Variants in CDH13 observed in about 807,000 individuals in gnomAD.
CDH13 encodes the protein cadherin 13.
Under a neutral mutation model 63.8 loss-of-function variants are expected in CDH13, and 24 were observed. The ratio of observed to expected loss-of-function variants is 0.38; its 90% confidence interval spans 0.27 to 0.53. The LOEUF (loss-of-function observed/expected upper bound fraction) is 0.53. Ranked by LOEUF, CDH13 falls within the 20% of genes least tolerant of loss-of-function variation. The pLI is 0.85. For synonymous variants in CDH13, 503 were observed against 355.3 expected (o/e 1.42, Z -4.67); for missense variants, 1,049 against 903.1 (o/e 1.16, Z -2.07).
At chr16:82,975,101 T>G (rs1225949852) in intron 2 of CDH13, among the ~76,000 whole-genome samples, 1 of 152,216 alleles carries the variant, frequency 6.6e-6, no homozygotes, top group Non-Finnish European at 1.5e-5. Context: ...CCGATGGGTA[T>G]AAAGCATAAA....
At chr16:83,635,048 A>T (rs1238273297) in intron 8 of CDH13, among the ~76,000 whole-genome samples, 1 of 152,208 alleles carries the variant, frequency 6.6e-6, no homozygotes, top group Non-Finnish European at 1.5e-5. Flanking sequence ...ATAGAGGAGA[A>T]ATCCAGTTCT....
intron 7 of CDH13, among the ~76,000 whole-genome samples, chr16:83,508,119 AAGGG>A (rs140872284): frequency 1.3e-5 from 1 of 75,492 alleles, no homozygotes; most frequent in Non-Finnish European, 2.6e-5. Flanking sequence ...AAAAGGAAGG[AAGGG>A]AGGAAGGAAA....
intron 5 of CDH13, among the ~76,000 whole-genome samples, chr16:83,306,820 A>T (rs1038332685): frequency 6.6e-6 from 1 of 152,188 alleles, no homozygotes; most frequent in African/African-American, 2.4e-5. Context: ...GCTGGGAAGC[A>T]CATGAAATTG....
At chr16:83,108,217 C>T (rs2034879323) in intron 3 of CDH13, among the ~76,000 whole-genome samples, 1 of 152,132 alleles carries the variant, frequency 6.6e-6, no homozygotes, top group East Asian at 1.9e-4. Flanking sequence ...CTCCACTATA[C>T]ACCGTGCTTG....
intron 1 of CDH13, among the ~76,000 whole-genome samples, chr16:82,732,530 A>C (rs1382149395): frequency 3.9e-5 from 6 of 152,214 alleles, no homozygotes; most frequent in Admixed American, 3.9e-4. Flanking sequence ...GTTGTAAATG[A>C]TTTGAAACAG....
At chr16:83,733,637 C>A (rs990918347) in intron 10 of CDH13, among the ~76,000 whole-genome samples, 1 of 152,142 alleles carries the variant, frequency 6.6e-6, no homozygotes. Context: ...TCAGCTTGGT[C>A]TGAGCTGGAC....
intron 6 of CDH13, among the ~76,000 whole-genome samples, chr16:83,385,986 A>C (rs1053584032): frequency 1.3e-5 from 2 of 152,218 alleles, no homozygotes; most frequent in Non-Finnish European, 2.9e-5. Context: ...CCTATATTCT[A>C]GAACCAGCAT....
chr16:83,098,299 C>G (rs996494198), intron 3 of CDH13, among the ~76,000 whole-genome samples: 4 of 152,306 alleles, frequency 2.6e-5, no homozygotes, highest in Admixed American at 1.3e-4. Flanking sequence ...CTTTCCCAGC[C>G]TTTGCACTAC....
intron 2 of CDH13, among the ~76,000 whole-genome samples, chr16:83,005,796 G>A (rs545502673): frequency 6.6e-6 from 1 of 152,150 alleles, no homozygotes; most frequent in Non-Finnish European, 1.5e-5. Flanking sequence ...TTTATGGTGA[G>A]CTCAGTTATT....
intron 2 of CDH13, among the ~76,000 whole-genome samples, chr16:82,860,053 A>G (rs1191427405): frequency 1.3e-5 from 2 of 152,156 alleles, no homozygotes; most frequent in East Asian, 1.9e-4. Flanking sequence ...ATCAGAATCA[A>G]TATATTTCAA....
intron 6 of CDH13, among the ~76,000 whole-genome samples, chr16:83,377,087 C>G (rs1003069327): frequency 6.6e-6 from 1 of 152,134 alleles, no homozygotes; most frequent in African/African-American, 2.4e-5. Flanking sequence ...CCTGGCTGAC[C>G]TCATGAGAAT....
intron 10 of CDH13, chr16:83,716,982 C>G (rs905277986): frequency 6.5e-6 from 1 of 154,026 alleles, no homozygotes; most frequent in African/African-American, 2.4e-5. Context: ...CATGGTGGCT[C>G]ATACCTGTAA....
chr16:83,469,864 G>A (rs1268440506), intron 6 of CDH13, among the ~76,000 whole-genome samples: 2 of 152,218 alleles, frequency 1.3e-5, no homozygotes, highest in Non-Finnish European at 2.9e-5. Context: ...CTTGGATAGT[G>A]CAAAATACAA....
chr16:83,528,185 C>T (rs2075005117), intron 7 of CDH13, among the ~76,000 whole-genome samples: 1 of 152,204 alleles, frequency 6.6e-6, no homozygotes, highest in South Asian at 2.1e-4. Flanking sequence ...ATCACACTTG[C>T]ACGCATGCCT....
At chr16:83,240,280 G>C (rs775894644) in intron 5 of CDH13, among the ~76,000 whole-genome samples, 2 of 152,072 alleles carry the variant, frequency 1.3e-5, no homozygotes, top group East Asian at 1.9e-4. Context: ...GGCCTGGGAG[G>C]GGGTGGATCA....
At chr16:82,986,826 C>T (rs1036670061) in intron 2 of CDH13, among the ~76,000 whole-genome samples, 1 of 152,318 alleles carries the variant, frequency 6.6e-6, no homozygotes, top group Admixed American at 6.5e-5. Flanking sequence ...ATATCTCATT[C>T]TGTCATACCT....
At chr16:83,634,648 G>A (rs1377957690) in intron 8 of CDH13, among the ~76,000 whole-genome samples, 1 of 152,064 alleles carries the variant, frequency 6.6e-6, no homozygotes, top group Non-Finnish European at 1.5e-5. Context: ...TGATCCACCT[G>A]CCTCGGCCTC....
In CDH13 at chr16:83,671,886, C is replaced by A. The variant is rs191844278; in HGVS notation, c.1284+914C>A. Among the ~76,000 whole-genome samples the A allele has an allele frequency of 2.6e-4, 39 of 152,318 alleles. No homozygotes were observed. In the East Asian group the frequency reaches 6.0e-3, roughly 23 times the overall value. ...TGGGGGTGGTAGCACAGAAGGCTTG[C>A]TACAGGTGGCCTTGGTATTCTGGGA... is the stretch of plus-strand genomic sequence containing the variant. On this transcript the variant is annotated intron_variant, in intron 9 of 13. Transcript: ENST00000567109.
At chr16:83,317,582 C>T (rs1263357242) in intron 5 of CDH13, among the ~76,000 whole-genome samples, 3 of 152,108 alleles carry the variant, frequency 2.0e-5, no homozygotes, top group Admixed American at 6.5e-5. Context: ...AGGTGGATCA[C>T]CTGAGGTCAG....
Sources: allele counts gnomAD v4.1 joint callset (sites outside exome capture counted in the v4.1 genomes callset), GRCh38; gene constraint gnomAD v4.1.1; transcripts MANE v1.5; gene names NCBI Gene and HGNC (gene_info 2026-07-23, HGNC 2026-07-21).